CD99: variants seen among roughly 807,000 people sequenced by gnomAD.
CD99 encodes the protein CD99 antigen.
A neutral mutation model predicts 28.4 loss-of-function variants in CD99; 19 were observed. The observed-to-expected ratio is 0.67, with a 90% CI of 0.47 to 0.98. The LOEUF (loss-of-function observed/expected upper bound fraction) is 0.98. CD99 is among the 50% of genes least tolerant of loss of function. The pLI is 0.00. For synonymous variants in CD99, 103 were observed against 92.1 expected, an observed-to-expected ratio of 1.12 and a Z score of -0.67; for missense variants, 283 against 248.8, an observed-to-expected ratio of 1.14 and a Z score of -0.92.
chrX:2,717,098 G>C (rs1030015780), intron 2 of CD99, among the ~76,000 whole-genome samples: 7 of 152,102 alleles, frequency 4.6e-5, no homozygotes, highest in African/African-American at 1.7e-4. Flanking sequence ...TGTCATCCCA[G>C]CACTTTGGGA....
intron 8 of CD99, chrX:2,733,382 G>C: frequency 1.3e-6 from 2 of 1,592,928 alleles, no homozygotes; most frequent in Non-Finnish European, 1.7e-6. Context: ...GGGGTGAGCA[G>C]AGAACCCAGC....
chrX:2,733,061 T>TCC (rs1403140065), intron 8 of CD99, among the ~76,000 whole-genome samples: 1 of 146,924 alleles, frequency 6.8e-6, no homozygotes, highest in African/African-American at 2.5e-5. Context: ...GTTCCTTCCC[T>TCC]CTTTCTGCCT....
chrX:2,731,170 G>C (rs1452729277), intron 8 of CD99, among the ~76,000 whole-genome samples: 2 of 152,172 alleles, frequency 1.3e-5, no homozygotes, highest in East Asian at 3.8e-4. Flanking sequence ...TCAGCCTCTG[G>C]GGCAGGATTT....
At chrX:2,723,575 G>A (rs769491885) in intron 7 of CD99, 2 of 632,146 alleles carry the variant, frequency 3.2e-6, no homozygotes, top group Admixed American at 5.6e-5. Context: ...ACGTGACGCG[G>A]ATTTTATGTT....
intron 4 of CD99, 90 bp downstream of exon 4, chrX:2,719,795 TATAAA>T (rs1329848755): frequency 2.9e-6 from 4 of 1,376,258 alleles, no homozygotes; most frequent in Non-Finnish European, 4.2e-6. Flanking sequence ...CCATTTAAAT[TATAAA>T]GGGAACCAGT....
At chrX:2,739,804 G>C (rs1255052487) in intron 9 of CD99, among the ~76,000 whole-genome samples, 6 of 150,906 alleles carry the variant, frequency 4.0e-5, no homozygotes. Context: ...CGCCAGACGC[G>C]GTGGCTAATG....
chrX:2,705,076 T>C (rs758371287), intron 1 of CD99, among the ~76,000 whole-genome samples: 1 of 152,358 alleles, frequency 6.6e-6, no homozygotes, highest in South Asian at 2.1e-4. Context: ...GCTACAGACA[T>C]GAAGCCCTTC....
chrX:2,722,680 GTTATC>G lies in CD99; in HGVS notation c.310+9_310+13del, dbSNP rs1206006270. ...TGGCGTTTCAGGTGGAGAAGGTACA[GTTATC>G]TTGTTTTCTGTCTCTTTTCTCTCTC... On this transcript the variant is annotated splice_region_variant and intron_variant, in intron 6 of 9. Transcript: ENST00000381192. The G allele has an allele frequency of 1.2e-6, 2 of 1,613,782 alleles. No homozygotes were observed. The highest frequency in any genetic ancestry group is 1.7e-6 in the Non-Finnish European group (2 of 1,179,788).
chrX:2,702,048 G>A (rs2047888804), intron 1 of CD99, among the ~76,000 whole-genome samples: 1 of 151,798 alleles, frequency 6.6e-6, no homozygotes, highest in Non-Finnish European at 1.5e-5. Flanking sequence ...CCACAGATGT[G>A]TGTAATTTGC....
intron 7 of CD99, among the ~76,000 whole-genome samples, 157 bp from the exon 8 acceptor site, chrX:2,726,103 C>T (rs1326808714): frequency 1.3e-5 from 2 of 152,154 alleles, no homozygotes; most frequent in Admixed American, 6.6e-5. Context: ...GTATCATTCT[C>T]GGCATGCTTC....
At chrX:2,732,644 T>C (rs1422493008) in intron 8 of CD99, among the ~76,000 whole-genome samples, 2 of 148,290 alleles carry the variant, frequency 1.3e-5, no homozygotes, top group Admixed American at 1.3e-4. Context: ...CCTTTTCCTT[T>C]TTCTCTCTTC....
chrX:2,713,533 T>C (rs1419715864), intron 1 of CD99, among the ~76,000 whole-genome samples: 1 of 152,128 alleles, frequency 6.6e-6, no homozygotes, highest in African/African-American at 2.4e-5. Context: ...CAAATATACA[T>C]GCACACTCAC....
intron 1 of CD99, among the ~76,000 whole-genome samples, chrX:2,702,674 T>C (rs2124490839): frequency 6.6e-6 from 1 of 152,344 alleles, no homozygotes; most frequent in East Asian, 1.9e-4. Context: ...TTGTACAGAT[T>C]ATTTCATCAC....
chrX:2,725,103 A>G (rs1389747678), intron 7 of CD99, among the ~76,000 whole-genome samples: 2 of 151,934 alleles, frequency 1.3e-5, no homozygotes, highest in East Asian at 3.9e-4. Context: ...TAACATAAAA[A>G]AAAAAAAAAA....
intron 8 of CD99, among the ~76,000 whole-genome samples, chrX:2,727,110 C>G (rs1490574017): frequency 6.6e-6 from 1 of 152,204 alleles, no homozygotes; most frequent in Non-Finnish European, 1.5e-5. Context: ...GCACTCCAGC[C>G]TGGGCGACAG....
intron 8 of CD99, among the ~76,000 whole-genome samples, chrX:2,736,306 A>T (rs2049937191): frequency 6.6e-6 from 1 of 152,234 alleles, no homozygotes; most frequent in East Asian, 1.9e-4. Context: ...CGTTTTACAA[A>T]TAGCACGGTC....
chrX:2,698,232 C>T (rs1296839901), intron 1 of CD99, among the ~76,000 whole-genome samples: 1 of 148,650 alleles, frequency 6.7e-6, no homozygotes, highest in African/African-American at 2.5e-5. Flanking sequence ...TGCAGTGGCA[C>T]GATTGTAGCT....
intron 8 of CD99, chrX:2,737,959 T>G (rs1192483973): frequency 1.4e-6 from 1 of 704,916 alleles, no homozygotes; most frequent in Non-Finnish European, 2.7e-6. Context: ...TGAAGCTGCT[T>G]GGATTACCCT....
chrX:2,711,903 T>C (rs908366054), intron 1 of CD99, among the ~76,000 whole-genome samples: 3 of 151,936 alleles, frequency 2.0e-5, no homozygotes, highest in Admixed American at 6.6e-5. Context: ...TAGCTGGGCA[T>C]GATGGGCGGG....
Sources: allele counts gnomAD v4.1 joint callset (sites outside exome capture counted in the v4.1 genomes callset), GRCh38; gene constraint gnomAD v4.1.1; transcripts MANE v1.5; gene names NCBI Gene and HGNC (gene_info 2026-07-23, HGNC 2026-07-21).